MCTP1: variants seen among roughly 807,000 people sequenced by gnomAD.
MCTP1 encodes the protein multiple C2 and transmembrane domain containing 1.
MCTP1 carries 69 observed loss-of-function variants against 120.6 expected under a neutral mutation model. The observed-to-expected ratio is 0.57, with a 90% CI of 0.47 to 0.70. The LOEUF is 0.70. MCTP1 is among the 30% of genes least tolerant of loss of function. The probability of loss-of-function intolerance (pLI) is 0.00; values close to 1 mark genes in which losing one functional copy is unlikely to be tolerated. For missense variants in MCTP1, 1,203 were observed against 1,248.8 expected (o/e 0.96, Z 0.55); for synonymous variants, 529 against 493.1 (o/e 1.07, Z -0.96).
At chr5:95,253,658 T>C (rs1414090609) in intron 1 of MCTP1, among the ~76,000 whole-genome samples, 2 of 152,034 alleles carry the variant, frequency 1.3e-5, no homozygotes, top group Non-Finnish European at 2.9e-5. Flanking sequence ...ATAAAATAAA[T>C]GTATAGGTAC....
chr5:95,008,228 G>A (rs946526931), intron 2 of MCTP1, among the ~76,000 whole-genome samples: 1 of 152,054 alleles, frequency 6.6e-6, no homozygotes, highest in Non-Finnish European at 1.5e-5. Context: ...ACCAGAAGAA[G>A]CCATAAAATG....
intron 17 of MCTP1, chr5:94,826,223 T>C: frequency 2.4e-6 from 1 of 422,736 alleles, no homozygotes; most frequent in South Asian, 2.3e-5. Context: ...GATTTTGCTA[T>C]AACCATGCTT....
At chr5:95,234,582 C>G (rs2152660810) in intron 1 of MCTP1, among the ~76,000 whole-genome samples, 1 of 152,264 alleles carries the variant, frequency 6.6e-6, no homozygotes, top group South Asian at 2.1e-4. Flanking sequence ...TAATAATAGT[C>G]TATTCCTACT....
chr5:95,084,922 T>C (rs1755313920), intron 1 of MCTP1, among the ~76,000 whole-genome samples: 1 of 152,138 alleles, frequency 6.6e-6, no homozygotes, highest in Non-Finnish European at 1.5e-5. Flanking sequence ...GCTTAGAGTC[T>C]GAAGCAAGAG....
chr5:95,238,965 T>A (rs908944271), intron 1 of MCTP1, among the ~76,000 whole-genome samples: 1 of 152,194 alleles, frequency 6.6e-6, no homozygotes, highest in Non-Finnish European at 1.5e-5. Context: ...TCAGTATACA[T>A]GTAGCTATGA....
chr5:94,832,588 T>A (rs1788760707), intron 17 of MCTP1, among the ~76,000 whole-genome samples: 1 of 149,510 alleles, frequency 6.7e-6, no homozygotes, highest in African/African-American at 2.5e-5. Context: ...CAGGTTCCTT[T>A]CTCTTGCTTT....
intron 1 of MCTP1, among the ~76,000 whole-genome samples, chr5:95,276,031 T>C (rs1387619129): frequency 1.3e-5 from 2 of 152,096 alleles, no homozygotes; most frequent in Non-Finnish European, 2.9e-5. Flanking sequence ...TAGTCCTCCA[T>C]GGGAGAAAAA....
chr5:95,261,574 T>C (rs1185343599), intron 1 of MCTP1, among the ~76,000 whole-genome samples: 3 of 152,254 alleles, frequency 2.0e-5, no homozygotes, highest in African/African-American at 7.2e-5. Flanking sequence ...TCCATAAATG[T>C]TATTTTAAGC....
chr5:95,001,033 T>C (rs997596788), intron 2 of MCTP1, among the ~76,000 whole-genome samples: 8 of 152,214 alleles, frequency 5.3e-5, no homozygotes, highest in African/African-American at 1.9e-4. Flanking sequence ...TCCATGCTGT[T>C]CTCACGATAG....
intron 1 of MCTP1, among the ~76,000 whole-genome samples, chr5:95,062,370 C>T (rs1187121943): frequency 6.6e-6 from 1 of 152,168 alleles, no homozygotes; most frequent in Non-Finnish European, 1.5e-5. Flanking sequence ...TGGCTTATTT[C>T]ACCCCAAACT....
intron 1 of MCTP1, among the ~76,000 whole-genome samples, chr5:95,178,165 A>G (rs1056348747): frequency 3.3e-5 from 5 of 151,958 alleles, no homozygotes; most frequent in African/African-American, 1.2e-4. Context: ...TGAGAACCAC[A>G]CTCCCATCCC....
intron 1 of MCTP1, among the ~76,000 whole-genome samples, chr5:95,175,151 T>C (rs1291644831): frequency 6.6e-6 from 1 of 152,106 alleles, no homozygotes; most frequent in East Asian, 1.9e-4. Flanking sequence ...ATTTTTTGAG[T>C]TAAAAATTAT....
chr5:94,969,035 A>G (rs1383570274), intron 2 of MCTP1, among the ~76,000 whole-genome samples: 1 of 152,234 alleles, frequency 6.6e-6, no homozygotes, highest in African/African-American at 2.4e-5. Flanking sequence ...TTTTGTAATT[A>G]TAAATTCCAT....
Position 95,042,342 on chromosome 5 carries a change from T to C in MCTP1, c.721-24858A>G, listed in dbSNP as rs568437694. ...ACTTGGCAATTTAAACTGCTCTATATGAAACCATCAGGACTGAGCAATAAA... is the reference window on the plus strand; with the variant it reads ...ACTTGGCAATTTAAACTGCTCTATACGAAACCATCAGGACTGAGCAATAAA... On this transcript the variant is annotated intron_variant, in intron 1 of 22. Coordinates refer to ENST00000515393, the MANE Select transcript of MCTP1 (RefSeq NM_024717.7). 2.0e-5 allele frequency among the ~76,000 whole-genome samples: 3 copies of C among 152,286 alleles called. No homozygotes were observed. The South Asian group carries it at 6.2e-4, about 32-fold the overall frequency.
intron 10 of MCTP1, among the ~76,000 whole-genome samples, chr5:94,899,523 C>A (rs1047873397): frequency 6.6e-6 from 1 of 152,216 alleles, no homozygotes; most frequent in Non-Finnish European, 1.5e-5. Context: ...GCTTCTAAAG[C>A]CACTTCTGCA....
chr5:94,849,504 TCTC>T (rs1793193585), intron 17 of MCTP1, among the ~76,000 whole-genome samples: 1 of 152,072 alleles, frequency 6.6e-6, no homozygotes, highest in South Asian at 2.1e-4. Context: ...AAGTGTCTCC[TCTC>T]CTCTGTAGCC....
intron 1 of MCTP1, chr5:95,038,287 G>A (rs1841718259): frequency 4.5e-6 from 1 of 223,102 alleles, no homozygotes; most frequent in African/African-American, 2.3e-5. Context: ...TGTAAATTCT[G>A]GTTGGAGAAG....
chr5:94,733,596 C>T (rs185250683), intron 19 of MCTP1, among the ~76,000 whole-genome samples: 1 of 152,184 alleles, frequency 6.6e-6, no homozygotes, highest in Non-Finnish European at 1.5e-5. Flanking sequence ...AAAAGAAGCC[C>T]CCTTCCCTAT....
Position 95,283,878 on chromosome 5 carries a change from C to G in MCTP1, c.698G>C (p.Gly233Ala). The G allele has an allele frequency of 7.3e-7, 1 of 1,379,140 alleles. No individual in the cohort carries two copies. The highest frequency in any genetic ancestry group is 9.3e-7 in the Non-Finnish European group (1 of 1,075,804). The allele number at this position is 1,379,140 out of a possible 1,614,324, so 85.4% of individuals were successfully genotyped here. The part of the protein sequence containing the change: ...SPAESRAPET[G>A]EEHGSSQKII... The stretch of plus-strand genomic sequence containing the variant: ...CACCTGGCTGCTGCCGTGCTCCTCG[C>G]CCGTCTCCGGGGCCCGAGACTCCGC... Residue 233 changes from glycine (G) to alanine (A), a missense_variant, in exon 1 of 23, where the codon GGC becomes GCC. By Grantham distance (60) the Gly-to-Ala change is moderately conservative. Transcript: ENST00000515393.
Sources: gnomAD v4.1 joint callset for allele counts (sites outside exome capture counted in the v4.1 genomes callset) on GRCh38, gnomAD v4.1.1 for gene constraint, MANE v1.5 for transcripts, NCBI Gene and HGNC (gene_info 2026-07-23, HGNC 2026-07-21) for gene names.